Variants in LRRC7 observed in about 807,000 individuals in gnomAD.
LRRC7 encodes the protein leucine rich repeat containing 7.
LRRC7 carries 23 observed loss-of-function variants against 175.7 expected under a neutral mutation model. The observed-to-expected ratio is 0.13, with a 90% CI of 0.09 to 0.19. LRRC7 has a LOEUF of 0.19. LRRC7 is among the 10% of genes least tolerant of loss of function. LRRC7 has a pLI of 1.00. For missense variants in LRRC7, 1,354 were observed against 1,904.7 expected (o/e 0.71, Z 5.38); for synonymous variants, 685 against 680.9 (o/e 1.01, Z -0.09).
In LRRC7 at chr1:69,650,375, C is replaced by G. The variant is rs1313933539; in HGVS notation, c.3-28006C>G. ...CTAACATGGTGAAAACCCGTCTCTA[C>G]TAAAAATGAAAAAAATTAGCCGGGC... is the stretch of plus-strand genomic sequence containing the variant. On this transcript the variant is annotated intron_variant, in intron 1 of 26. Coordinates refer to ENST00000651989, the MANE Select transcript of LRRC7 (RefSeq NM_001370785.2). Among the ~76,000 whole-genome samples, 3 of 151,596 alleles carry G rather than the reference C, an allele frequency of 2.0e-5. No individual in the cohort carries two copies. In the East Asian group the frequency reaches 5.9e-4, roughly 30 times the overall value.
chr1:70,038,086 A>C (rs777818776), intron 20 of LRRC7, 27 bp from the exon 21 acceptor site: 1 of 1,558,738 alleles, frequency 6.4e-7, no homozygotes, highest in Non-Finnish European at 8.7e-7. Flanking sequence ...CGTCCTTTTC[A>C]ATTTCTTCTT....
chr1:69,849,313 A>G (rs1490121854), intron 7 of LRRC7, among the ~76,000 whole-genome samples: 9 of 152,038 alleles, frequency 5.9e-5, no homozygotes, highest in African/African-American at 2.2e-4. Context: ...GGCACTGTAG[A>G]TAAATGAATT....
intron 1 of LRRC7, among the ~76,000 whole-genome samples, chr1:69,620,279 T>A (rs201136402): frequency 7.0e-6 from 1 of 143,626 alleles, no homozygotes; most frequent in South Asian, 2.2e-4. Flanking sequence ...ATTTTTTTTT[T>A]ACTTTTACAC....
intron 25 of LRRC7, among the ~76,000 whole-genome samples, chr1:70,106,758 T>C (rs1013459742): frequency 1.1e-4 from 16 of 152,296 alleles, no homozygotes; most frequent in African/African-American, 3.6e-4. Context: ...ATTTCCCAGA[T>C]ATAACAGGCA....
Position 70,124,729 on chromosome 1 carries a change from T to TA in LRRC7, c.*2850dup, listed in dbSNP as rs1426041534. 2.9e-5 allele frequency among the ~76,000 whole-genome samples: 4 copies of TA among 136,478 alleles called. No individual in the cohort carries two copies. The highest frequency in any genetic ancestry group is 1.5e-4 in the Admixed American group (2 of 13,780). The allele number at this position is 136,478 out of a possible 152,430, so 89.5% of individuals were successfully genotyped here. A position where few individuals can be genotyped will look rare whatever the true frequency, so the allele number is the denominator to read the frequency against. ...AATTAGAATCTGGTTATTTTAACAA[T>TA]AAAAAAAAGTCAAGGGTGTGCCTTT... On this transcript the variant is annotated 3_prime_UTR_variant, in exon 27 of 27. Coordinates refer to ENST00000651989, the MANE Select transcript of LRRC7 (RefSeq NM_001370785.2).
In LRRC7 at chr1:69,670,623, G is replaced by A. The variant is rs186802093; in HGVS notation, c.3-7758G>A. On this transcript the variant is annotated intron_variant, in intron 1 of 26. Coordinates refer to ENST00000651989, the MANE Select transcript of LRRC7 (RefSeq NM_001370785.2). ...GCAAGTTCCCCCTGGCCCCAGGGAGGTCCAGAGGTCCCATCTGGGAGCCAG... is the reference window on the plus strand; with the variant it reads ...GCAAGTTCCCCCTGGCCCCAGGGAGATCCAGAGGTCCCATCTGGGAGCCAG... Among the ~76,000 whole-genome samples the A allele has an allele frequency of 1.4e-3, 213 of 152,318 alleles. 1 individual carries two copies. The highest frequency in any genetic ancestry group is 1.5e-3 in the Non-Finnish European group (100 of 68,022).
chr1:69,641,395 ATTT>A (rs1349962219), intron 1 of LRRC7, among the ~76,000 whole-genome samples: 4 of 151,454 alleles, frequency 2.6e-5, no homozygotes, highest in Non-Finnish European at 4.4e-5. Context: ...CTGTTTATTT[ATTT>A]AGACATATAC....
At chr1:69,653,287 T>TC (rs1656129395) in intron 1 of LRRC7, among the ~76,000 whole-genome samples, 1 of 98,160 alleles carries the variant, frequency 1.0e-5, no homozygotes, top group African/African-American at 3.1e-5. Flanking sequence ...TAAAAACTTT[T>TC]TTTTAATTTT....
Position 70,141,026 on chromosome 1 carries a change from CA to C in LRRC7, c.*19141del, listed in dbSNP as rs1487405861. ...AGCCTTAAATCAGTGACTAATAAGG[CA>C]ATGGAACACTCAAGCAGATTTTCCT... On this transcript the variant is annotated 3_prime_UTR_variant, in exon 27 of 27. Transcript: ENST00000651989. Among the ~76,000 whole-genome samples the C allele has an allele frequency of 6.6e-6, 1 of 151,970 alleles. No individual in the cohort carries two copies. The highest frequency in any genetic ancestry group is 1.5e-5 in the Non-Finnish European group (1 of 67,968).
chr1:69,625,554 G>A (rs1409777058), intron 1 of LRRC7, among the ~76,000 whole-genome samples: 2 of 140,306 alleles, frequency 1.4e-5, no homozygotes, highest in African/African-American at 5.3e-5. Context: ...AACTGTAAAT[G>A]AATGCTTGAT....
At chr1:70,111,093 A>G (rs1331932406) in intron 26 of LRRC7, among the ~76,000 whole-genome samples, 1 of 152,206 alleles carries the variant, frequency 6.6e-6, no homozygotes, top group Non-Finnish European at 1.5e-5. Context: ...CTAAGTGACA[A>G]TACTTTTGGG....
intron 7 of LRRC7, among the ~76,000 whole-genome samples, chr1:69,911,001 C>T (rs185644153): frequency 6.6e-6 from 1 of 152,322 alleles, no homozygotes; most frequent in African/African-American, 2.4e-5. Context: ...CCCTCCGAGT[C>T]ATGTGGGGGA....
At chr1:69,719,757 CA>C (rs1201643614) in intron 2 of LRRC7, among the ~76,000 whole-genome samples, 1 of 151,300 alleles carries the variant, frequency 6.6e-6, no homozygotes, top group African/African-American at 2.4e-5. Flanking sequence ...TCAAACAATA[CA>C]AAAAAGTATG....
chr1:69,940,752 A>G (rs1648625731), intron 8 of LRRC7, among the ~76,000 whole-genome samples: 1 of 152,136 alleles, frequency 6.6e-6, no homozygotes, highest in Admixed American at 6.6e-5. Flanking sequence ...GGAGTTGTAA[A>G]TCACCCCAAA....
At chr1:69,756,528 G>A (rs1366705723) in intron 2 of LRRC7, among the ~76,000 whole-genome samples, 2 of 151,784 alleles carry the variant, frequency 1.3e-5, no homozygotes, top group African/African-American at 2.4e-5. Context: ...GGAGAAAAAT[G>A]TGGGTGTGAA....
intron 7 of LRRC7, among the ~76,000 whole-genome samples, chr1:69,857,757 C>G (rs886930204): frequency 2.2e-4 from 33 of 152,118 alleles, no homozygotes; most frequent in Admixed American, 1.4e-3. Context: ...TTGGAAAAAG[C>G]TACTTTAAAG....
rs544573135 is a variant in LRRC7, at chr1:69,994,459, A to T, written c.932-102A>T. Reference sequence around the variant, plus strand: ...TATTAGCAGAGTTTGGCCAATTAGCATGCCAAGCATTCAACACAAGTGATT... The same window carrying T: ...TATTAGCAGAGTTTGGCCAATTAGCTTGCCAAGCATTCAACACAAGTGATT... On this transcript the variant is annotated intron_variant, in intron 10 of 26. Transcript: ENST00000651989. 75 of 842,430 alleles carry T rather than the reference A, an allele frequency of 8.9e-5. 1 individual carries two copies. In the South Asian group the frequency reaches 1.0e-3, roughly 11 times the overall value. 52.2% of individuals were successfully genotyped at this position (842,430 alleles called of 1,614,324 possible).
rs977670934 is a variant in LRRC7 at position 69,988,781 on chromosome 1, A to G, written c.931+2395A>G. On this transcript the variant is annotated intron_variant, in intron 10 of 26. Transcript: ENST00000651989. ...ATCCACAAAGGATAAGACCACCAACATTGCTAATATAAGACTGGTTCTGAA... is the reference window on the plus strand; with the variant it reads ...ATCCACAAAGGATAAGACCACCAACGTTGCTAATATAAGACTGGTTCTGAA... Among the ~76,000 whole-genome samples the G allele has an allele frequency of 3.5e-4, 54 of 152,184 alleles. 1 individual carries two copies. The highest frequency in any genetic ancestry group is 1.0e-4 in the Non-Finnish European group (7 of 68,032).
intron 23 of LRRC7, among the ~76,000 whole-genome samples, chr1:70,057,250 G>A (rs966693055): frequency 1.3e-5 from 2 of 152,066 alleles, no homozygotes; most frequent in African/African-American, 4.8e-5. Flanking sequence ...TTTAGTTTTT[G>A]TTATATATTA....
Sources: allele counts gnomAD v4.1 joint callset (sites outside exome capture counted in the v4.1 genomes callset), GRCh38; gene constraint gnomAD v4.1.1; transcripts MANE v1.5; gene names NCBI Gene and HGNC (gene_info 2026-07-23, HGNC 2026-07-21).